WWOX: variants seen among roughly 807,000 people sequenced by gnomAD.
WWOX encodes WW domain-containing oxidoreductase.
A neutral mutation model predicts 46.2 loss-of-function variants in WWOX; 69 were observed. The ratio of observed to expected loss-of-function variants is 1.49; its 90% CI spans 1.23 to 1.82. The LOEUF (loss-of-function observed/expected upper bound fraction) is 1.82, where lower values mean the gene tolerates loss of function less well. WWOX is among the 40% of genes most tolerant of loss of function. The probability of loss-of-function intolerance (pLI) is 0.00; values close to 1 mark genes in which losing one functional copy is unlikely to be tolerated. For synonymous variants in WWOX, 359 were observed against 202.6 expected (o/e 1.77, Z -6.56); for missense variants, 919 against 542.6 (o/e 1.69, Z -6.89).
chr16:78,804,861 C>G (rs947089385), intron 8 of WWOX, among the ~76,000 whole-genome samples: 16 of 152,172 alleles, frequency 1.1e-4, no homozygotes, highest in Admixed American at 5.2e-4. Flanking sequence ...TAGGATGTAG[C>G]CATGACAGTA....
intron 8 of WWOX, among the ~76,000 whole-genome samples, chr16:78,985,258 C>G (rs370686982): frequency 1.3e-5 from 2 of 152,334 alleles, no homozygotes; most frequent in South Asian, 4.1e-4. Context: ...CAAACGCTGT[C>G]TTCTGTCACT....
chr16:78,948,696 G>A (rs772206055), intron 8 of WWOX, among the ~76,000 whole-genome samples: 6 of 152,124 alleles, frequency 3.9e-5, no homozygotes, highest in Non-Finnish European at 8.8e-5. Context: ...CACTTTTGGG[G>A]CTGGTGGTAG....
chr16:78,632,013 C>G (rs2046444024), intron 8 of WWOX, among the ~76,000 whole-genome samples: 1 of 140,158 alleles, frequency 7.1e-6, no homozygotes, highest in African/African-American at 3.1e-5. Flanking sequence ...AACCTGATTT[C>G]AGACCTCCCA....
At chr16:78,802,046 G>T (rs931390820) in intron 8 of WWOX, among the ~76,000 whole-genome samples, 1 of 152,058 alleles carries the variant, frequency 6.6e-6, no homozygotes, top group Non-Finnish European at 1.5e-5. Flanking sequence ...GCTTCTCCTG[G>T]CTCTGCTGGT....
At chr16:78,520,884 C>T (rs1289802878) in intron 8 of WWOX, among the ~76,000 whole-genome samples, 1 of 152,106 alleles carries the variant, frequency 6.6e-6, no homozygotes, top group Non-Finnish European at 1.5e-5. Context: ...GACGAATTTA[C>T]ATTTTGCCAT....
intron 8 of WWOX, among the ~76,000 whole-genome samples, chr16:78,711,260 G>A (rs944225488): frequency 6.6e-6 from 1 of 152,170 alleles, no homozygotes; most frequent in Non-Finnish European, 1.5e-5. Flanking sequence ...TGATGTGGAT[G>A]TATATATACG....
intron 5 of WWOX, among the ~76,000 whole-genome samples, chr16:78,314,628 G>C (rs1235489327): frequency 1.4e-5 from 2 of 144,002 alleles, no homozygotes; most frequent in Admixed American, 1.4e-4. Context: ...GGGTTCAAGC[G>C]ATTCTTCTGC....
chr16:79,210,557 C>A (rs912354796), intron 8 of WWOX, among the ~76,000 whole-genome samples: 2 of 152,186 alleles, frequency 1.3e-5, no homozygotes, highest in African/African-American at 4.8e-5. Context: ...CCGGTCCTCT[C>A]TTGCAACCCC....
At chr16:78,995,960 A>G (rs537157462) in intron 8 of WWOX, among the ~76,000 whole-genome samples, 1 of 152,312 alleles carries the variant, frequency 6.6e-6, no homozygotes, top group South Asian at 2.1e-4. Flanking sequence ...AGATTGCTGT[A>G]AGTTGCAGGG....
At chr16:78,383,247 A>C (rs1408171715) in intron 5 of WWOX, among the ~76,000 whole-genome samples, 1 of 152,036 alleles carries the variant, frequency 6.6e-6, no homozygotes, top group Non-Finnish European at 1.5e-5. Context: ...GGTCTAGTAA[A>C]TTGTGTTGTG....
At chr16:78,321,290 ACGTATATATATACGTATATATATG>A (rs1567498960) in intron 5 of WWOX, among the ~76,000 whole-genome samples, 1 of 126,600 alleles carries the variant, frequency 7.9e-6, no homozygotes, top group Admixed American at 8.7e-5. Flanking sequence ...ATATATATAT[ACGTATATATATACGTATATATATG>A]CGTATATATA....
At chr16:78,544,271 C>T (rs905143699) in intron 8 of WWOX, among the ~76,000 whole-genome samples, 25 of 152,280 alleles carry the variant, frequency 1.6e-4, no homozygotes, top group African/African-American at 2.4e-4. Flanking sequence ...TTTCACCAAG[C>T]GCTAACATTA....
rs140103141 is a variant in WWOX at position 78,914,849 on chromosome 16, C to T, written c.1057-296759C>T. Among the ~76,000 whole-genome samples the T allele has an allele frequency of 2.6e-3, 391 of 148,228 alleles. 1 individual carries two copies. The highest frequency in any genetic ancestry group is 3.4e-3 in the Admixed American group (51 of 14,830). ...AGCCAGGATCGCGCCACTGCACTCC[C>T]GCCCGGGTGACAGAGCGAGACTCCG... On this transcript the variant is annotated intron_variant, in intron 8 of 8. Coordinates refer to ENST00000566780, the MANE Select transcript of WWOX (RefSeq NM_016373.4).
intron 8 of WWOX, among the ~76,000 whole-genome samples, chr16:79,200,294 GC>G (rs2051321568): frequency 6.6e-6 from 1 of 152,186 alleles, no homozygotes; most frequent in Non-Finnish European, 1.5e-5. Flanking sequence ...GGATCAAATG[GC>G]CCAGGCAGGA....
chr16:79,057,446 T>C (rs2048283502), intron 8 of WWOX, among the ~76,000 whole-genome samples: 1 of 152,232 alleles, frequency 6.6e-6, no homozygotes, highest in Non-Finnish European at 1.5e-5. Context: ...ATAGGTTCAA[T>C]TCTCAGGCTC....
intron 8 of WWOX, among the ~76,000 whole-genome samples, chr16:79,046,196 T>C (rs2048062690): frequency 6.6e-6 from 1 of 152,192 alleles, no homozygotes; most frequent in African/African-American, 2.4e-5. Flanking sequence ...GCCACTGTTA[T>C]TATTATTGTC....
chr16:79,198,452 G>C (rs1200355344), intron 8 of WWOX, among the ~76,000 whole-genome samples: 1 of 152,216 alleles, frequency 6.6e-6, no homozygotes, highest in East Asian at 1.9e-4. Context: ...TCACTGGTTT[G>C]AGTTATTATT....
intron 8 of WWOX, among the ~76,000 whole-genome samples, chr16:78,944,431 G>A (rs991153239): frequency 1.3e-5 from 2 of 151,910 alleles, no homozygotes; most frequent in South Asian, 2.1e-4. Flanking sequence ...TTATAAACAG[G>A]TGATGGGGGC....
chr16:78,944,214 C>T (rs1279194143), intron 8 of WWOX, among the ~76,000 whole-genome samples: 1 of 152,104 alleles, frequency 6.6e-6, no homozygotes, highest in Admixed American at 6.5e-5. Flanking sequence ...ATAATCTCTT[C>T]TACCCTCCCT....
Sources: gnomAD v4.1 joint callset for allele counts (sites outside exome capture counted in the v4.1 genomes callset) on GRCh38, gnomAD v4.1.1 for gene constraint, MANE v1.5 for transcripts, NCBI Gene and HGNC (gene_info 2026-07-23, HGNC 2026-07-21) for gene names.